Variants in CATSPERB observed in about 807,000 individuals in gnomAD.
The protein encoded by CATSPERB is catsper channel auxiliary subunit beta.
CATSPERB carries 93 observed loss-of-function variants against 128.3 expected under a neutral mutation model. The observed-to-expected ratio is 0.72, with a 90% CI of 0.61 to 0.86. The LOEUF is 0.86. Among genes scored for constraint, CATSPERB ranks in the 40% least tolerant of loss-of-function variants. The pLI, the probability that CATSPERB is intolerant of heterozygous loss-of-function variation, is 0.00. For missense variants in CATSPERB, 1,153 were observed against 1,329.5 expected, an observed-to-expected ratio of 0.87 and a Z score of 2.06; for synonymous variants, 381 against 448.8, an observed-to-expected ratio of 0.85 and a Z score of 1.91.
Position 91,580,881 on chromosome 14 carries a change from C to T in CATSPERB, c.*8G>A, listed in dbSNP as rs1893193712. 6.2e-7 allele frequency: 1 copy of T among 1,606,616 alleles called. No homozygotes were observed. The highest frequency in any genetic ancestry group is 1.7e-5 in the Admixed American group (1 of 59,910). On this transcript the variant is annotated 3_prime_UTR_variant, in exon 27 of 27. Transcript: ENST00000256343. ...AGAAAATAAAGAGAAATTATGATCA[C>T]CATGTGTTCACTCTTCAGACTTTGA... is the stretch of plus-strand genomic sequence containing the variant.
intron 14 of CATSPERB, 131 bp from the exon 15 acceptor site, chr14:91,660,112 T>TCC: frequency 1.7e-6 from 1 of 581,848 alleles, no homozygotes; most frequent in Non-Finnish European, 3.0e-6. Context: ...TCTCTCTCTC[T>TCC]CTCTCACACA....
chr14:91,709,096 T>A (rs1302387038), intron 5 of CATSPERB: 1 of 152,248 alleles, frequency 6.6e-6, no homozygotes, highest in Non-Finnish European at 1.5e-5. Context: ...GTCTGTGCGC[T>A]GTCATGGCAA....
At chr14:91,693,504 A>G in intron 7 of CATSPERB, 25 bp from the exon 8 acceptor site, 2 of 1,584,090 alleles carry the variant, frequency 1.3e-6, no homozygotes, top group Non-Finnish European at 1.7e-6. Context: ...AAGGAAAATT[A>G]AAGCCAGGCA....
chr14:91,710,411 C>T (rs1324961140), intron 5 of CATSPERB: 2 of 151,958 alleles, frequency 1.3e-5, no homozygotes, highest in Non-Finnish European at 2.9e-5. Flanking sequence ...CATCTGCATG[C>T]CGTATATTTT....
intron 22 of CATSPERB, among the ~76,000 whole-genome samples, chr14:91,594,004 C>T (rs567766848): frequency 6.6e-6 from 1 of 152,320 alleles, no homozygotes; most frequent in Non-Finnish European, 1.5e-5. Context: ...GCTTTCTCCT[C>T]ATTTTCTCTT....
At position 91,627,743 on chromosome 14, in the gene CATSPERB, G is replaced by A. The variant is rs140853570; in HGVS notation, c.1743-2736C>T. ...CTCTGGAGGAAAGCCTGAGGCAGGA[G>A]GGTTGCTTGAGGCCAGGAGTTGGAG... On this transcript the variant is annotated intron_variant, in intron 17 of 26. Transcript: ENST00000256343. Among the ~76,000 whole-genome samples, 27 of 152,308 alleles carry A rather than the reference G, an allele frequency of 1.8e-4. No homozygotes were observed. In the East Asian group the frequency reaches 5.2e-3, roughly 29 times the overall value.
chr14:91,605,822 TG>T (rs1434928938), intron 22 of CATSPERB, among the ~76,000 whole-genome samples: 1 of 152,234 alleles, frequency 6.6e-6, no homozygotes, highest in African/African-American at 2.4e-5. Flanking sequence ...ATGTCTCTCC[TG>T]ACTCACTCAT....
chr14:91,605,330 G>T, intron 22 of CATSPERB: 1 of 721,256 alleles, frequency 1.4e-6, no homozygotes. Flanking sequence ...GTTATTATTG[G>T]GGAAGAGGAG....
intron 14 of CATSPERB, among the ~76,000 whole-genome samples, chr14:91,669,466 G>A (rs996397359): frequency 7.2e-5 from 11 of 152,074 alleles, no homozygotes; most frequent in Non-Finnish European, 1.6e-4. Flanking sequence ...AACAGAAAAA[G>A]GCAAACATTA....
At chr14:91,598,350 A>C (rs1018272477) in intron 22 of CATSPERB, among the ~76,000 whole-genome samples, 1 of 151,942 alleles carries the variant, frequency 6.6e-6, no homozygotes, top group African/African-American at 2.4e-5. Context: ...TTTTTCTACA[A>C]TATATATTTA....
At chr14:91,633,110 C>T (rs895032198) in intron 17 of CATSPERB, among the ~76,000 whole-genome samples, 2 of 152,192 alleles carry the variant, frequency 1.3e-5, no homozygotes, top group East Asian at 3.8e-4. Context: ...CCAGTATATA[C>T]ATGTTCAACT....
chr14:91,636,844 G>A (rs1204269094), intron 16 of CATSPERB, among the ~76,000 whole-genome samples: 1 of 152,156 alleles, frequency 6.6e-6, no homozygotes, highest in Non-Finnish European at 1.5e-5. Context: ...GGAGTGAAAG[G>A]GTACATGGAA....
At chr14:91,652,144 A>G (rs1894713250) in intron 15 of CATSPERB, among the ~76,000 whole-genome samples, 1 of 152,172 alleles carries the variant, frequency 6.6e-6, no homozygotes, top group Non-Finnish European at 1.5e-5. Context: ...AAGAAGATAA[A>G]TAAGACAAGC....
chr14:91,670,729 C>G (rs566471438), intron 13 of CATSPERB, among the ~76,000 whole-genome samples: 1 of 151,554 alleles, frequency 6.6e-6, no homozygotes, highest in South Asian at 2.1e-4. Flanking sequence ...TTTGGCCAGG[C>G]GCAGTGGCTT....
At chr14:91,616,729 TC>T (rs34626665) in intron 20 of CATSPERB, among the ~76,000 whole-genome samples, 2 of 101,148 alleles carry the variant, frequency 2.0e-5, no homozygotes, top group African/African-American at 3.6e-5. Flanking sequence ...TTTAAAGTAT[TC>T]CCCTTTTTTT....
intron 17 of CATSPERB, among the ~76,000 whole-genome samples, chr14:91,633,819 AATAT>A (rs1039832393): frequency 1.3e-5 from 2 of 150,190 alleles, no homozygotes; most frequent in African/African-American, 4.9e-5. Flanking sequence ...GAAATGCTTA[AATAT>A]ATATATATAG....
chr14:91,662,470 G>C (rs1320440155), intron 14 of CATSPERB, among the ~76,000 whole-genome samples: 1 of 152,060 alleles, frequency 6.6e-6, no homozygotes, highest in African/African-American at 2.4e-5. Context: ...TAGACATCTG[G>C]ATTACTTTTA....
intron 20 of CATSPERB, among the ~76,000 whole-genome samples, chr14:91,617,236 T>C (rs987384553): frequency 3.9e-5 from 6 of 152,234 alleles, no homozygotes; most frequent in Non-Finnish European, 2.9e-5. Context: ...CCTATTAAAT[T>C]GCCAAGATTT....
At chr14:91,617,325 A>G (rs1229875265) in intron 20 of CATSPERB, among the ~76,000 whole-genome samples, 1 of 152,192 alleles carries the variant, frequency 6.6e-6, no homozygotes, top group East Asian at 1.9e-4. Flanking sequence ...ATGATTCTGA[A>G]ATGTGCAGTT....
Sources: gnomAD v4.1 joint callset for allele counts (sites outside exome capture counted in the v4.1 genomes callset) on GRCh38, gnomAD v4.1.1 for gene constraint, MANE v1.5 for transcripts, NCBI Gene and HGNC (gene_info 2026-07-23, HGNC 2026-07-21) for gene names.